The following FAT3 variants were observed in gnomAD, a reference collection of about 807,000 sequenced individuals.
FAT3 encodes the protein protocadherin Fat 3.
A neutral mutation model predicts 310.2 loss-of-function variants in FAT3; 95 were observed. The observed-to-expected ratio is 0.31, with a 90% CI of 0.26 to 0.36. The LOEUF is 0.36. Ranked by LOEUF, FAT3 falls within the 10% of genes least tolerant of loss-of-function variation. FAT3 has a pLI of 1.00. For missense variants in FAT3, 5,408 were observed against 5,715.6 expected (o/e 0.95, Z 1.74); for synonymous variants, 2,314 against 2,192.9 (o/e 1.06, Z -1.54).
intron 22 of FAT3, among the ~76,000 whole-genome samples, chr11:92,877,454 C>T (rs1219593551): frequency 6.6e-6 from 1 of 152,134 alleles, no homozygotes; most frequent in Non-Finnish European, 1.5e-5. Flanking sequence ...GCATGCCAGA[C>T]ACTGTGCTGT....
chr11:92,883,129 G>T lies in FAT3; in HGVS notation c.12673G>T (p.Val4225Leu). Residue 4225 changes from valine (V) to leucine (L), a missense_variant, in exon 24 of 28, where the codon GTG becomes TTG. By Grantham distance (32) the Val-to-Leu change is conservative (BLOSUM62 1). This residue lies in a region of FAT3 where 649 missense variants were observed against 666.2 expected (regional missense o/e 0.97). Transcript: ENST00000525166. The surrounding 1 kb of genome is among the most constrained non-coding windows in gnomAD (Gnocchi z 4.2). ...GGACGGCCGCAACGTCTACCAGGAG[G>T]TGGGGCCCCCGCAGGTCCCCGTGCG... ...SGDGRNVYQEVGPPQVPVRPM... is the reference protein window; with the variant it reads ...SGDGRNVYQELGPPQVPVRPM... 5.0e-6 allele frequency: 8 copies of T among 1,613,766 alleles called. No homozygotes were observed. Among genetic ancestry groups the T allele is most frequent in the Non-Finnish European group, 5.9e-6 (7 of 1,179,872 alleles).
At chr11:92,632,467 G>C (rs571403127) in intron 3 of FAT3, among the ~76,000 whole-genome samples, 1 of 152,282 alleles carries the variant, frequency 6.6e-6, no homozygotes, top group East Asian at 1.9e-4. Flanking sequence ...GGATGAGCAA[G>C]GCAACAACTG....
intron 3 of FAT3, among the ~76,000 whole-genome samples, chr11:92,658,368 C>T (rs1259142839): frequency 2.0e-5 from 3 of 152,116 alleles, no homozygotes; most frequent in Non-Finnish European, 4.4e-5. Context: ...TTACACTGGC[C>T]GCATTTCATG....
chr11:92,407,203 G>A (rs1950153477), intron 2 of FAT3, among the ~76,000 whole-genome samples: 1 of 152,156 alleles, frequency 6.6e-6, no homozygotes. Context: ...ACAAGAGAAA[G>A]CCAGGGAGAT....
At chr11:92,607,502 C>T (rs1940357425) in intron 3 of FAT3, among the ~76,000 whole-genome samples, 1 of 151,984 alleles carries the variant, frequency 6.6e-6, no homozygotes, top group African/African-American at 2.4e-5. Flanking sequence ...ATCTGCCTTC[C>T]CTCACTGCTT....
chr11:92,677,894 T>A (rs1190134895), intron 3 of FAT3, among the ~76,000 whole-genome samples: 1 of 151,766 alleles, frequency 6.6e-6, no homozygotes, highest in Non-Finnish European at 1.5e-5. Flanking sequence ...GGCTCAAGAG[T>A]GCTGGTTACA....
chr11:92,316,486 C>G (rs1195336732), intron 1 of FAT3, among the ~76,000 whole-genome samples: 1 of 152,098 alleles, frequency 6.6e-6, no homozygotes, highest in Non-Finnish European at 1.5e-5. Context: ...AAAATATACC[C>G]CCAGCTATCC....
intron 1 of FAT3, among the ~76,000 whole-genome samples, chr11:92,337,701 G>A (rs914274693): frequency 3.3e-5 from 5 of 152,214 alleles, no homozygotes; most frequent in Non-Finnish European, 5.9e-5. Context: ...CAAAGTGCTG[G>A]ATTACAGGCG....
At chr11:92,658,922 T>TATCATCATCATC (rs71305391) in intron 3 of FAT3, among the ~76,000 whole-genome samples, 1 of 149,706 alleles carries the variant, frequency 6.7e-6, no homozygotes, top group African/African-American at 2.5e-5. Flanking sequence ...TCATCGTCAT[T>TATCATCATCATC]ATCATCATCA....
chr11:92,711,805 T>C (rs1944531002), intron 4 of FAT3, among the ~76,000 whole-genome samples: 1 of 152,234 alleles, frequency 6.6e-6, no homozygotes, highest in African/African-American at 2.4e-5. Context: ...CTAAACAGGT[T>C]ACCCACAAAT....
At chr11:92,702,974 T>C (rs1944148024) in intron 4 of FAT3, among the ~76,000 whole-genome samples, 1 of 152,218 alleles carries the variant, frequency 6.6e-6, no homozygotes, top group Admixed American at 6.5e-5. Context: ...GAGAATGTGG[T>C]TAAATGTAAT....
At chr11:92,819,960 C>A (rs545118617) in intron 13 of FAT3, among the ~76,000 whole-genome samples, 1 of 152,250 alleles carries the variant, frequency 6.6e-6, no homozygotes, top group South Asian at 2.1e-4. Flanking sequence ...CCCAGTGATT[C>A]CCCACTTCCT....
At chr11:92,563,236 A>C (rs190177784) in intron 3 of FAT3, among the ~76,000 whole-genome samples, 2 of 147,044 alleles carry the variant, frequency 1.4e-5, no homozygotes, top group East Asian at 4.2e-4. Context: ...TGAACATAAA[A>C]ATAATTCTCT....
chr11:92,584,451 T>C (rs1939021276), intron 3 of FAT3, among the ~76,000 whole-genome samples: 1 of 150,744 alleles, frequency 6.6e-6, no homozygotes, highest in African/African-American at 2.5e-5. Flanking sequence ...TCCTGAAAGG[T>C]TAAAGAAAAA....
At chr11:92,259,024 G>C (rs574963725) in intron 1 of FAT3, among the ~76,000 whole-genome samples, 1 of 151,984 alleles carries the variant, frequency 6.6e-6, no homozygotes, top group East Asian at 2.0e-4. Flanking sequence ...TGGGGGGCGG[G>C]GGTGGAAGTT....
intron 1 of FAT3, among the ~76,000 whole-genome samples, chr11:92,292,204 A>G (rs1946711569): frequency 6.6e-6 from 1 of 152,082 alleles, no homozygotes; most frequent in Admixed American, 6.6e-5. Flanking sequence ...TCTTAGATTA[A>G]TGATAAACAG....
At chr11:92,583,403 G>T (rs898078536) in intron 3 of FAT3, among the ~76,000 whole-genome samples, 1 of 151,988 alleles carries the variant, frequency 6.6e-6, no homozygotes, top group African/African-American at 2.4e-5. Flanking sequence ...CAGATCTAAT[G>T]GGAGAAAATG....
intron 2 of FAT3, among the ~76,000 whole-genome samples, chr11:92,482,664 C>G (rs1375494390): frequency 6.6e-6 from 1 of 152,174 alleles, no homozygotes; most frequent in Non-Finnish European, 1.5e-5. Context: ...CTCTGCAGTT[C>G]TGGCAGCCCA....
intron 3 of FAT3, among the ~76,000 whole-genome samples, chr11:92,557,623 G>T (rs1251189606): frequency 6.6e-6 from 1 of 152,172 alleles, no homozygotes; most frequent in Non-Finnish European, 1.5e-5. Flanking sequence ...ATCAGATTCT[G>T]TGCCCCACCT....
Sources: allele counts gnomAD v4.1 joint callset (sites outside exome capture counted in the v4.1 genomes callset), GRCh38; gene constraint gnomAD v4.1.1; regional missense constraint gnomAD v4.1.1; non-coding constraint Gnocchi (gnomAD v3.1); transcripts MANE v1.5; gene names NCBI Gene and HGNC (gene_info 2026-07-23, HGNC 2026-07-21).